Variants in AHCTF1 observed in about 807,000 individuals in gnomAD.
The protein encoded by AHCTF1 is AT-hook containing transcription factor 1.
A neutral mutation model predicts 248.4 loss-of-function variants in AHCTF1; 24 were observed. The observed-to-expected ratio is 0.10, with a 90% CI of 0.07 to 0.14. AHCTF1 has a LOEUF of 0.14. Ranked by LOEUF, AHCTF1 falls within the 10% of genes least tolerant of loss-of-function variation. The pLI, the probability that AHCTF1 is intolerant of heterozygous loss-of-function variation, is 1.00. For synonymous variants in AHCTF1, 786 were observed against 929.8 expected (o/e 0.85, Z 2.81); for missense variants, 2,206 against 2,636.2 (o/e 0.84, Z 3.57).
rs943407224 is a variant in AHCTF1, at chr1:246,866,684, C to T, written c.3347+560G>A. ...CCAAAGATCCTGGGCATATTAAGGA[C>T]AAAGAATCAATACATGAAGAGACAT... On this transcript the variant is annotated intron_variant, in intron 26 of 35. Coordinates refer to ENST00000648844, the MANE Select transcript of AHCTF1 (RefSeq NM_001323342.2). Among the ~76,000 whole-genome samples, 7 of 151,838 alleles carry T rather than the reference C, an allele frequency of 4.6e-5. No individual in the cohort carries two copies. In the East Asian group the frequency reaches 1.2e-3, roughly 25 times the overall value.
chr1:246,885,124 C>G (rs1333400580), intron 21 of AHCTF1, among the ~76,000 whole-genome samples: 1 of 152,104 alleles, frequency 6.6e-6, no homozygotes, highest in Non-Finnish European at 1.5e-5. Flanking sequence ...GTATGTTTTT[C>G]TTAACATTGG....
intron 33 of AHCTF1, among the ~76,000 whole-genome samples, chr1:246,847,651 C>T (rs1660378882): frequency 6.6e-6 from 1 of 152,178 alleles, no homozygotes; most frequent in Admixed American, 6.5e-5. Flanking sequence ...AAGCCTATGC[C>T]ACCAGGTCTG....
intron 5 of AHCTF1, among the ~76,000 whole-genome samples, chr1:246,906,472 C>G (rs577698450): frequency 6.6e-6 from 1 of 152,046 alleles, no homozygotes; most frequent in East Asian, 1.9e-4. Flanking sequence ...ATCCCAGCTA[C>G]TTGGGAGGCT....
At chr1:246,842,575 C>G (rs1659952183) in intron 35 of AHCTF1, 119 bp downstream of exon 35, 1 of 733,908 alleles carries the variant, frequency 1.4e-6, no homozygotes, top group African/African-American at 1.9e-5. Flanking sequence ...GACCGAGACT[C>G]TGTCTCAAAA....
intron 13 of AHCTF1, 84 bp downstream of exon 13, chr1:246,895,751 A>G (rs1664529311): frequency 6.0e-6 from 7 of 1,175,210 alleles, no homozygotes; most frequent in Middle Eastern, 5.1e-4. Flanking sequence ...TATCAAAATT[A>G]AAATAACTAA....
chr1:246,860,798 T>C (rs1428695674), intron 29 of AHCTF1, 101 bp downstream of exon 29: 1 of 1,455,982 alleles, frequency 6.9e-7, no homozygotes, highest in Admixed American at 2.1e-5. Flanking sequence ...TGAGCCACAG[T>C]ACCTGGCTAG....
At chr1:246,841,374 A>G (rs561151664) in intron 35 of AHCTF1, among the ~76,000 whole-genome samples, 1 of 152,358 alleles carries the variant, frequency 6.6e-6, no homozygotes, top group Admixed American at 6.5e-5. Context: ...AGAAATGTCA[A>G]TGATCAAACA....
At chr1:246,923,233 G>A (rs1666701803) in intron 1 of AHCTF1, among the ~76,000 whole-genome samples, 1 of 151,146 alleles carries the variant, frequency 6.6e-6, no homozygotes, top group African/African-American at 2.4e-5. Context: ...TGACTAACAT[G>A]ATGAAACCCC....
At chr1:246,892,801 A>G (rs568702972) in intron 14 of AHCTF1, among the ~76,000 whole-genome samples, 1 of 109,366 alleles carries the variant, frequency 9.1e-6, no homozygotes, top group Non-Finnish European at 1.7e-5. Context: ...CCAGCTAATT[A>G]AAAAAAAGAT....
chr1:246,921,549 A>G (rs1666551580), intron 1 of AHCTF1, among the ~76,000 whole-genome samples: 1 of 152,174 alleles, frequency 6.6e-6, no homozygotes, highest in Non-Finnish European at 1.5e-5. Context: ...AAGATCTAAG[A>G]TATGCCTAAT....
At chr1:246,878,181 T>C (rs1048876033) in intron 21 of AHCTF1, among the ~76,000 whole-genome samples, 3 of 151,744 alleles carry the variant, frequency 2.0e-5, no homozygotes, top group African/African-American at 4.8e-5. Context: ...GCAGATCACT[T>C]GAGCCTAGGA....
intron 24 of AHCTF1, among the ~76,000 whole-genome samples, chr1:246,871,415 C>G (rs546546201): frequency 6.6e-6 from 1 of 152,312 alleles, no homozygotes; most frequent in South Asian, 2.1e-4. Flanking sequence ...GAACTGCTCC[C>G]ACACAAATAC....
intron 1 of AHCTF1, among the ~76,000 whole-genome samples, chr1:246,919,365 GACA>G (rs1173802642): frequency 6.6e-6 from 1 of 152,188 alleles, no homozygotes; most frequent in Non-Finnish European, 1.5e-5. Flanking sequence ...TACTCAGAAA[GACA>G]ACATTTTCTT....
chr1:246,860,077 T>C (rs1330411536), intron 29 of AHCTF1, among the ~76,000 whole-genome samples: 4 of 152,058 alleles, frequency 2.6e-5, no homozygotes, highest in Non-Finnish European at 4.4e-5. Flanking sequence ...CTGGCCAATA[T>C]GGTGAAACCC....
At chr1:246,886,060 G>T (rs1247034553) in intron 20 of AHCTF1, among the ~76,000 whole-genome samples, 1 of 152,316 alleles carries the variant, frequency 6.6e-6, no homozygotes, top group East Asian at 1.9e-4. Flanking sequence ...AAAAAGTGCA[G>T]TGGCTCATGC....
chr1:246,900,270 C>G (rs373392871), intron 9 of AHCTF1, 24 bp from the exon 10 acceptor site: 2 of 1,585,518 alleles, frequency 1.3e-6, no homozygotes, highest in African/African-American at 1.4e-5. Flanking sequence ...TAAAACATTA[C>G]TAAGTCATTG....
chr1:246,921,129 G>GA (rs1380254950), intron 1 of AHCTF1, among the ~76,000 whole-genome samples: 1 of 151,858 alleles, frequency 6.6e-6, no homozygotes, highest in Non-Finnish European at 1.5e-5. Context: ...AAAAGCAGCA[G>GA]AAAATACACG....
rs751317888 is a variant in AHCTF1 at position 246,888,223 on chromosome 1, T to C, written c.2279A>G (p.Asp760Gly). 6.2e-7 allele frequency: 1 copy of C among 1,613,968 alleles called. No individual in the cohort carries two copies. The highest frequency in any genetic ancestry group is 8.5e-7 in the Non-Finnish European group (1 of 1,179,968). The change falls in exon 19 of 36, where the codon GAT becomes GGT. Residue 760 changes from aspartate (D) to glycine (G), a missense_variant. This residue lies in a region of AHCTF1 where 650 missense variants were observed against 870.8 expected (regional missense o/e 0.75). Coordinates refer to ENST00000648844, the MANE Select transcript of AHCTF1 (RefSeq NM_001323342.2). ...YPPASLHAVLDMYLLDGVTEA... is the reference protein window; with the variant it reads ...YPPASLHAVLGMYLLDGVTEA... ...AGTAACGCCGTCTAATAGGTACATA[T>C]CAAGTACTGCCTATAAAACAAAGGG...
intron 1 of AHCTF1, among the ~76,000 whole-genome samples, chr1:246,923,829 A>G (rs915281132): frequency 6.6e-6 from 1 of 152,196 alleles, no homozygotes; most frequent in Admixed American, 6.5e-5. Context: ...AACATCCTTC[A>G]GTGTGTGTGG....
Sources: allele counts gnomAD v4.1 joint callset (sites outside exome capture counted in the v4.1 genomes callset), GRCh38; gene constraint gnomAD v4.1.1; regional missense constraint gnomAD v4.1.1; transcripts MANE v1.5; gene names NCBI Gene and HGNC (gene_info 2026-07-23, HGNC 2026-07-21).